Variants in MALRD1 observed in about 807,000 individuals in gnomAD.
MALRD1 encodes the protein MAM and LDL-receptor class A domain-containing protein 1.
Under a neutral mutation model 242.1 loss-of-function variants are expected in MALRD1, and 247 were observed. The ratio of observed to expected loss-of-function variants is 1.02; its 90% CI spans 0.92 to 1.13. MALRD1 has a LOEUF of 1.13. Among genes scored for constraint, MALRD1 ranks in the 50% most tolerant of loss-of-function variants. The pLI is 0.00. For missense variants in MALRD1, 2,989 were observed against 2,533.1 expected (o/e 1.18, Z -3.86); for synonymous variants, 995 against 866.6 (o/e 1.15, Z -2.60).
chr10:19,424,547 A>G (rs553137256), intron 28 of MALRD1, among the ~76,000 whole-genome samples: 3 of 152,346 alleles, frequency 2.0e-5, no homozygotes, highest in South Asian at 2.1e-4. Context: ...ACACAAAAAC[A>G]TACACTAATA....
intron 28 of MALRD1, among the ~76,000 whole-genome samples, chr10:19,391,526 T>A (rs919446917): frequency 2.6e-5 from 4 of 152,180 alleles, no homozygotes; most frequent in African/African-American, 9.7e-5. Flanking sequence ...TCTTTACTCT[T>A]CGTCTTTTAA....
intron 31 of MALRD1, among the ~76,000 whole-genome samples, chr10:19,506,488 T>C (rs1054654245): frequency 6.6e-6 from 1 of 152,108 alleles, no homozygotes; most frequent in African/African-American, 2.4e-5. Flanking sequence ...TAGGAGGCAT[T>C]GATTTGGAAG....
intron 25 of MALRD1, among the ~76,000 whole-genome samples, chr10:19,348,227 A>C (rs899263958): frequency 6.6e-6 from 1 of 152,140 alleles, no homozygotes; most frequent in Non-Finnish European, 1.5e-5. Context: ...TCTCCTATGG[A>C]TAAATTCCAT....
chr10:19,149,077 C>CATCTATCT (rs10657245), intron 11 of MALRD1, among the ~76,000 whole-genome samples: 27,699 of 143,750 alleles, frequency 0.19, 2,714 homozygotes, highest in East Asian at 0.23. Flanking sequence ...TCTATCTGTC[C>CATCTATCT]ATCTATCTAT....
At chr10:19,467,197 A>T (rs867184208) in intron 29 of MALRD1, among the ~76,000 whole-genome samples, 1 of 141,946 alleles carries the variant, frequency 7.0e-6, no homozygotes, top group Non-Finnish European at 1.5e-5. Context: ...TACTAAAAAT[A>T]CAAAAAAATT....
chr10:19,454,713 TACACACACAC>T lies in MALRD1; in HGVS notation c.5029+4251_5029+4260del, dbSNP rs35489123. 9.4e-3 allele frequency among the ~76,000 whole-genome samples: 1,246 copies of T among 132,394 alleles called. 20 individuals carry two copies. The highest frequency in any genetic ancestry group is 0.029 in the African/African-American group (1,098 of 38,090). 86.9% of individuals were successfully genotyped at this position (132,394 alleles called of 152,430 possible). A position where few individuals can be genotyped will look rare whatever the true frequency, so the allele number is the denominator to read the frequency against. ...AAATCGAGGACTGTCCGTGCACACGTACACACACACACACACACACACACACACACACACA... is the reference window on the plus strand; with the variant it reads ...AAATCGAGGACTGTCCGTGCACACGTACACACACACACACACACACACACA... On this transcript the variant is annotated intron_variant, in intron 29 of 39. Coordinates refer to ENST00000454679, the MANE Select transcript of MALRD1 (RefSeq NM_001142308.3).
At chr10:19,604,306 T>C (rs1238197446) in intron 34 of MALRD1, among the ~76,000 whole-genome samples, 2 of 152,170 alleles carry the variant, frequency 1.3e-5, no homozygotes, top group South Asian at 2.1e-4. Flanking sequence ...CAAGAATAGA[T>C]TGATACCACT....
chr10:19,444,673 A>T (rs1834863445), intron 28 of MALRD1, among the ~76,000 whole-genome samples: 1 of 152,158 alleles, frequency 6.6e-6, no homozygotes, highest in South Asian at 2.1e-4. Flanking sequence ...CTGTGGAAAG[A>T]TCCATTGTTA....
intron 29 of MALRD1, among the ~76,000 whole-genome samples, chr10:19,463,022 A>T (rs927963865): frequency 6.6e-6 from 1 of 152,180 alleles, no homozygotes; most frequent in East Asian, 1.9e-4. Context: ...GCGTGGTTAA[A>T]TCATAAGGAA....
chr10:19,405,444 C>G (rs1847051190), intron 28 of MALRD1, among the ~76,000 whole-genome samples: 1 of 152,098 alleles, frequency 6.6e-6, no homozygotes, highest in African/African-American at 2.4e-5. Flanking sequence ...TTATTCTGTT[C>G]TAGTTGCTGC....
At chr10:19,168,932 A>G (rs1834808704) in intron 13 of MALRD1, among the ~76,000 whole-genome samples, 1 of 152,170 alleles carries the variant, frequency 6.6e-6, no homozygotes, top group South Asian at 2.1e-4. Flanking sequence ...TACAGCACAC[A>G]TTTATTTGGG....
At chr10:19,494,896 G>A (rs1837644215) in intron 30 of MALRD1, among the ~76,000 whole-genome samples, 1 of 151,776 alleles carries the variant, frequency 6.6e-6, no homozygotes, top group African/African-American at 2.4e-5. Context: ...CACTAAAGAG[G>A]CCAACATTCA....
At chr10:19,113,542 A>G (rs1836757447) in intron 5 of MALRD1, among the ~76,000 whole-genome samples, 1 of 145,440 alleles carries the variant, frequency 6.9e-6, no homozygotes, top group Non-Finnish European at 1.5e-5. Flanking sequence ...TCCTCCTCCT[A>G]CATTTCTCCT....
chr10:19,308,904 T>A (rs371492680), intron 21 of MALRD1, among the ~76,000 whole-genome samples: 4 of 151,622 alleles, frequency 2.6e-5, no homozygotes, highest in African/African-American at 9.7e-5. Flanking sequence ...CAAAGACAGC[T>A]GAACTGACAA....
intron 19 of MALRD1, among the ~76,000 whole-genome samples, chr10:19,276,489 G>A (rs1840534159): frequency 6.6e-6 from 1 of 151,994 alleles, no homozygotes; most frequent in African/African-American, 2.4e-5. Context: ...GCCATTGAAT[G>A]TTTTGCAGTC....
chr10:19,125,378 T>TTTCTTTCCTTCC (rs1564408151), intron 7 of MALRD1, among the ~76,000 whole-genome samples: 1 of 87,820 alleles, frequency 1.1e-5, no homozygotes, highest in Non-Finnish European at 2.2e-5. Flanking sequence ...TCTTTCTTTC[T>TTTCTTTCCTTCC]TTCCTTCCTT....
intron 33 of MALRD1, among the ~76,000 whole-genome samples, chr10:19,573,218 A>G (rs1327681870): frequency 6.6e-6 from 1 of 152,184 alleles, no homozygotes; most frequent in Non-Finnish European, 1.5e-5. Context: ...GCCCCAGGTC[A>G]AGGTGGTTGG....
intron 26 of MALRD1, among the ~76,000 whole-genome samples, chr10:19,373,068 G>A (rs779888164): frequency 7.9e-5 from 12 of 151,752 alleles, no homozygotes; most frequent in Admixed American, 2.6e-4. Flanking sequence ...AAAAGTCTGC[G>A]AAAGTGTGAA....
intron 14 of MALRD1, among the ~76,000 whole-genome samples, chr10:19,184,181 G>A (rs972772905): frequency 1.3e-5 from 2 of 152,166 alleles, no homozygotes; most frequent in African/African-American, 4.8e-5. Flanking sequence ...GGATCATGTT[G>A]CCATTTATGA....
Sources: gnomAD v4.1 joint callset for allele counts (sites outside exome capture counted in the v4.1 genomes callset) on GRCh38, gnomAD v4.1.1 for gene constraint, MANE v1.5 for transcripts, NCBI Gene and HGNC (gene_info 2026-07-23, HGNC 2026-07-21) for gene names.